ATAD2B: variants seen among roughly 807,000 people sequenced by gnomAD.
The protein encoded by ATAD2B is ATPase family AAA domain containing 2B.
ATAD2B carries 40 observed loss-of-function variants against 167.6 expected under a neutral mutation model. The observed-to-expected ratio is 0.24, with a 90% CI of 0.19 to 0.31. The LOEUF (loss-of-function observed/expected upper bound fraction) is 0.31, where lower values mean the gene tolerates loss of function less well. ATAD2B is among the 10% of genes least tolerant of loss of function. The pLI, the probability that ATAD2B is intolerant of heterozygous loss-of-function variation, is 1.00. For synonymous variants in ATAD2B, 579 were observed against 596.5 expected (o/e 0.97, Z 0.43); for missense variants, 1,242 against 1,757.2 (o/e 0.71, Z 5.24).
chr2:23,858,635 C>G (rs1693836979), intron 12 of ATAD2B, among the ~76,000 whole-genome samples: 1 of 151,912 alleles, frequency 6.6e-6, no homozygotes, highest in South Asian at 2.1e-4. Context: ...AGGCAGGGAC[C>G]AACACGCCCA....
intron 1 of ATAD2B, among the ~76,000 whole-genome samples, chr2:23,904,540 T>TA (rs1701245651): frequency 8.1e-6 from 1 of 122,924 alleles, no homozygotes; most frequent in Non-Finnish European, 2.0e-5. Flanking sequence ...TTCCTTCCTT[T>TA]TTTTTTTTTT....
At chr2:23,692,932 C>T in the ATAD2B span, among the ~76,000 whole-genome samples, 3 of 152,200 alleles carry the variant, frequency 2.0e-5, no homozygotes, top group Admixed American at 1.3e-4. Context: ...CCCTCAACCT[C>T]AGCGACAGTG....
At chr2:23,919,942 G>C (rs993839640) in intron 1 of ATAD2B, among the ~76,000 whole-genome samples, 14 of 151,864 alleles carry the variant, frequency 9.2e-5, no homozygotes, top group African/African-American at 3.1e-4. Context: ...CCTGAGGTCA[G>C]GATTTCAAGA....
the ATAD2B span, among the ~76,000 whole-genome samples, chr2:23,717,477 C>A: frequency 3.3e-5 from 5 of 151,730 alleles, no homozygotes; most frequent in African/African-American, 9.7e-5. Flanking sequence ...ACAAAAAAAA[C>A]AAAGAAAAAA....
At chr2:23,900,542 T>C (rs1700695999) in intron 1 of ATAD2B, among the ~76,000 whole-genome samples, 1 of 152,212 alleles carries the variant, frequency 6.6e-6, no homozygotes, top group Non-Finnish European at 1.5e-5. Context: ...TCATTAGAAA[T>C]GTAGAATCTC....
At chr2:23,841,022 T>C (rs756868213) in intron 13 of ATAD2B, among the ~76,000 whole-genome samples, 2 of 152,122 alleles carry the variant, frequency 1.3e-5, no homozygotes, top group African/African-American at 2.4e-5. Context: ...TCCTCCTACT[T>C]CAGCCTCCTG....
At chr2:23,781,032 G>A (rs1036202220) in intron 22 of ATAD2B, among the ~76,000 whole-genome samples, 6 of 152,078 alleles carry the variant, frequency 3.9e-5, no homozygotes, top group East Asian at 3.9e-4. Flanking sequence ...ATTCTCAATA[G>A]AGTGAAAAAG....
chr2:23,812,724 G>A (rs1181263489), intron 17 of ATAD2B, among the ~76,000 whole-genome samples: 7 of 151,854 alleles, frequency 4.6e-5, no homozygotes, highest in Admixed American at 1.3e-4. Context: ...TTAGCTGGGC[G>A]TGGTGGCACG....
intron 1 of ATAD2B, among the ~76,000 whole-genome samples, chr2:23,897,990 CAG>C (rs771879031): frequency 4.6e-5 from 7 of 152,086 alleles, no homozygotes; most frequent in Non-Finnish European, 5.9e-5. Context: ...TTTTTTGAGA[CAG>C]AGTCTCAATC....
chr2:23,890,030 C>T (rs908881929), intron 2 of ATAD2B, among the ~76,000 whole-genome samples: 17 of 149,968 alleles, frequency 1.1e-4, no homozygotes, highest in Non-Finnish European at 2.2e-4. Flanking sequence ...CTGGCTAACA[C>T]GGTGAAACCC....
At chr2:23,838,416 A>G (rs1011867852) in intron 13 of ATAD2B, among the ~76,000 whole-genome samples, 1 of 152,124 alleles carries the variant, frequency 6.6e-6, no homozygotes, top group Non-Finnish European at 1.5e-5. Flanking sequence ...AAACAGAATT[A>G]CAATCTAACT....
the ATAD2B span, among the ~76,000 whole-genome samples, chr2:23,739,502 C>T: frequency 7.9e-5 from 12 of 151,976 alleles, no homozygotes; most frequent in South Asian, 8.4e-4. Context: ...TTGAAACCAA[C>T]GAGAACAAAG....
At chr2:23,914,380 C>T (rs1702721958) in intron 1 of ATAD2B, among the ~76,000 whole-genome samples, 1 of 151,984 alleles carries the variant, frequency 6.6e-6, no homozygotes, top group Non-Finnish European at 1.5e-5. Context: ...AAAATAGGAA[C>T]TCCAGTAGAA....
At chr2:23,712,126 G>A in the ATAD2B span, among the ~76,000 whole-genome samples, 1 of 152,150 alleles carries the variant, frequency 6.6e-6, no homozygotes, top group Non-Finnish European at 1.5e-5. Flanking sequence ...CTTAAGCAGA[G>A]AGCAGGTTTA....
chr2:23,762,410 T>A (rs1676864842), intron 23 of ATAD2B, 64 bp from the exon 24 acceptor site: 2 of 1,496,178 alleles, frequency 1.3e-6, no homozygotes, highest in African/African-American at 1.4e-5. Context: ...AAAAGGTTTT[T>A]AAAAAAATCT....
chr2:23,700,492 A>C, the ATAD2B span, among the ~76,000 whole-genome samples: 1 of 152,198 alleles, frequency 6.6e-6, no homozygotes, highest in South Asian at 2.1e-4. The surrounding 1 kb of genome is among the most constrained non-coding windows in gnomAD (Gnocchi z 4.6). Context: ...ATCTCTTTCC[A>C]ACTCCATGTT....
the ATAD2B span, chr2:23,696,719 A>C: frequency 2.0e-6 from 1 of 506,374 alleles, no homozygotes; most frequent in Non-Finnish European, 3.5e-6. The surrounding 1 kb of genome is among the most constrained non-coding windows in gnomAD (Gnocchi z 5.5). Flanking sequence ...CATCTGTGTC[A>C]CCTTTGCAGT....
chr2:23,904,144 G>C (rs369602366), intron 1 of ATAD2B, among the ~76,000 whole-genome samples: 1 of 152,012 alleles, frequency 6.6e-6, no homozygotes, highest in African/African-American at 2.4e-5. Flanking sequence ...ATGAAACATG[G>C]TCATAAAAGA....
chr2:23,858,930 T>C (rs1693887655), intron 12 of ATAD2B, among the ~76,000 whole-genome samples: 1 of 152,238 alleles, frequency 6.6e-6, no homozygotes, highest in South Asian at 2.1e-4. Flanking sequence ...AATAAATAAC[T>C]GTATTTATCA....
Sources: gnomAD v4.1 joint callset for allele counts (sites outside exome capture counted in the v4.1 genomes callset) on GRCh38, gnomAD v4.1.1 for gene constraint, Gnocchi (gnomAD v3.1) non-coding constraint, MANE v1.5 for transcripts, NCBI Gene and HGNC (gene_info 2026-07-23, HGNC 2026-07-21) for gene names.